The following MDGA2 variants were observed in gnomAD, a reference collection of about 807,000 sequenced individuals.
MDGA2 encodes the protein MAM domain-containing glycosylphosphatidylinositol anchor protein 2.
Under a neutral mutation model 117.8 loss-of-function variants are expected in MDGA2, and 40 were observed. The observed-to-expected ratio is 0.34, with a 90% CI of 0.26 to 0.44. The LOEUF (loss-of-function observed/expected upper bound fraction) is 0.44, where lower values mean the gene tolerates loss of function less well. Among genes scored for constraint, MDGA2 ranks in the 20% least tolerant of loss-of-function variants. The pLI is 1.00. For synonymous variants in MDGA2, 452 were observed against 439.0 expected, an observed-to-expected ratio of 1.03 and a Z score of -0.37; for missense variants, 1,123 against 1,250.6, an observed-to-expected ratio of 0.90 and a Z score of 1.54.
At chr14:47,313,382 C>T (rs1815544559) in intron 1 of MDGA2, among the ~76,000 whole-genome samples, 1 of 152,162 alleles carries the variant, frequency 6.6e-6, no homozygotes, top group Admixed American at 6.5e-5. Flanking sequence ...AAGCAATCCT[C>T]CCGCCTCAGC....
intron 6 of MDGA2, among the ~76,000 whole-genome samples, chr14:47,066,438 T>C (rs1890083982): frequency 6.6e-6 from 1 of 152,200 alleles, no homozygotes; most frequent in South Asian, 2.1e-4. Context: ...AGATTTGATG[T>C]CCTCAAGGAT....
intron 2 of MDGA2, among the ~76,000 whole-genome samples, chr14:47,240,102 T>C (rs1002229010): frequency 2.6e-5 from 4 of 151,686 alleles, no homozygotes; most frequent in African/African-American, 9.7e-5. Context: ...TGGAGTGCAG[T>C]GGCACGATCT....
chr14:47,289,439 A>C (rs1010618640), intron 2 of MDGA2, among the ~76,000 whole-genome samples: 1 of 151,754 alleles, frequency 6.6e-6, no homozygotes, highest in South Asian at 2.1e-4. Flanking sequence ...TCTTCAGGCT[A>C]TGCTGAAGTT....
At chr14:47,056,095 C>A (rs1889665574) in intron 7 of MDGA2, among the ~76,000 whole-genome samples, 1 of 152,020 alleles carries the variant, frequency 6.6e-6, no homozygotes, top group African/African-American at 2.4e-5. Flanking sequence ...CATAAAATAA[C>A]CTATTCCTTA....
chr14:47,229,130 C>T (rs563873778), intron 2 of MDGA2, among the ~76,000 whole-genome samples: 2 of 152,256 alleles, frequency 1.3e-5, no homozygotes, highest in South Asian at 4.1e-4. Flanking sequence ...TATTTTCAAG[C>T]TTGCTAAATT....
chr14:47,132,627 G>A (rs1232581929), intron 4 of MDGA2, among the ~76,000 whole-genome samples: 3 of 151,828 alleles, frequency 2.0e-5, no homozygotes, highest in South Asian at 2.1e-4. Context: ...ACAACAAAAC[G>A]TAGTCTCCTG....
At chr14:47,178,583 A>G (rs1884571952) in intron 3 of MDGA2, among the ~76,000 whole-genome samples, 1 of 152,184 alleles carries the variant, frequency 6.6e-6, no homozygotes, top group African/African-American at 2.4e-5. Flanking sequence ...TTTATGTACC[A>G]GGCACTGACC....
intron 1 of MDGA2, among the ~76,000 whole-genome samples, chr14:47,673,018 G>T (rs1898103648): frequency 2.0e-5 from 3 of 152,260 alleles, no homozygotes; most frequent in African/African-American, 7.2e-5. Flanking sequence ...GGAAGGAGGG[G>T]TTGGGAGAGG....
intron 1 of MDGA2, among the ~76,000 whole-genome samples, chr14:47,376,464 G>A (rs1012457261): frequency 3.3e-5 from 5 of 152,012 alleles, no homozygotes; most frequent in African/African-American, 7.2e-5. Context: ...TATTCAAGTT[G>A]TAAAAAAACA....
At chr14:46,950,956 C>A (rs1442581809) in intron 9 of MDGA2, among the ~76,000 whole-genome samples, 1 of 150,880 alleles carries the variant, frequency 6.6e-6, no homozygotes, top group African/African-American at 2.4e-5. Flanking sequence ...CCCATTTATT[C>A]TTCAGGAATA....
chr14:47,253,376 G>C (rs1368844300), intron 2 of MDGA2, among the ~76,000 whole-genome samples: 5 of 152,300 alleles, frequency 3.3e-5, no homozygotes, highest in Admixed American at 6.5e-5. Context: ...GATACAAAGA[G>C]GGTACAGACA....
rs1250186579 is a variant in MDGA2, at chr14:47,540,022, C to CT, written c.280+134494dup. Among the ~76,000 whole-genome samples, 427 of 149,678 alleles carry CT rather than the reference C, an allele frequency of 2.9e-3. 1 individual carries two copies. Among genetic ancestry groups the CT allele is most frequent in the African/African-American group, 8.5e-3 (350 of 40,954 alleles). Reference sequence around the variant, plus strand: ...GGGATCATCCACTCATTTTCTTTTTCTTTTTTTTTTGAGACGGAGTCTCGC... The same window carrying CT: ...GGGATCATCCACTCATTTTCTTTTTCTTTTTTTTTTTGAGACGGAGTCTCGC... On this transcript the variant is annotated intron_variant, in intron 1 of 16. Coordinates refer to ENST00000399232, the MANE Select transcript of MDGA2 (RefSeq NM_001113498.3).
At position 47,176,872 on chromosome 14, in the gene MDGA2, C is replaced by A. The variant is rs930898697; in HGVS notation, c.596-32598G>T. 3.9e-4 allele frequency among the ~76,000 whole-genome samples: 60 copies of A among 151,998 alleles called. 1 individual carries two copies. Among genetic ancestry groups the A allele is most frequent in the East Asian group, 9.7e-4 (5 of 5,144 alleles). On this transcript the variant is annotated intron_variant, in intron 3 of 16. Transcript: ENST00000399232. Reference sequence around the variant, plus strand: ...CATCAGAGTGAACAGGCAACCTACACAATGGGAGAAAATTTTCGCAACCTA... The same window carrying A: ...CATCAGAGTGAACAGGCAACCTACAAAATGGGAGAAAATTTTCGCAACCTA...
chr14:47,275,988 C>A (rs1023814485), intron 2 of MDGA2, among the ~76,000 whole-genome samples: 5 of 152,116 alleles, frequency 3.3e-5, no homozygotes, highest in African/African-American at 1.2e-4. Context: ...ACTAGACAGT[C>A]TTTTCAACTG....
At chr14:47,552,714 C>T (rs1320756028) in intron 1 of MDGA2, among the ~76,000 whole-genome samples, 1 of 152,018 alleles carries the variant, frequency 6.6e-6, no homozygotes, top group Non-Finnish European at 1.5e-5. Context: ...GGTAAAAACC[C>T]ACCAATGGCT....
intron 3 of MDGA2, among the ~76,000 whole-genome samples, chr14:47,175,144 G>C (rs990864128): frequency 6.6e-5 from 10 of 151,570 alleles, no homozygotes; most frequent in Admixed American, 5.9e-4. Flanking sequence ...CTCTGAAATT[G>C]TGGCAATAAT....
chr14:47,382,244 A>G (rs1389095065), intron 1 of MDGA2, among the ~76,000 whole-genome samples: 1 of 152,224 alleles, frequency 6.6e-6, no homozygotes, highest in Non-Finnish European at 1.5e-5. Context: ...CTAAAACCAT[A>G]AAATCCCTAG....
chr14:47,094,825 G>A (rs1879869391), intron 6 of MDGA2, among the ~76,000 whole-genome samples: 1 of 151,742 alleles, frequency 6.6e-6, no homozygotes, highest in Non-Finnish European at 1.5e-5. Context: ...AACAAACACC[G>A]ATTACAATAC....
chr14:47,478,918 C>T (rs1401888092), intron 1 of MDGA2, among the ~76,000 whole-genome samples: 1 of 152,128 alleles, frequency 6.6e-6, no homozygotes, highest in Non-Finnish European at 1.5e-5. Flanking sequence ...AGGAGCCTCA[C>T]TTTGGGCTTT....
Sources: gnomAD v4.1 joint callset for allele counts (sites outside exome capture counted in the v4.1 genomes callset) on GRCh38, gnomAD v4.1.1 for gene constraint, MANE v1.5 for transcripts, NCBI Gene and HGNC (gene_info 2026-07-23, HGNC 2026-07-21) for gene names.